Variants in STX18 observed in about 807,000 individuals in gnomAD.
The protein encoded by STX18 is syntaxin-18.
In STX18, 40 loss-of-function variants were observed where a neutral mutation model predicts 50.1. The observed-to-expected ratio is 0.80, with a 90% confidence interval of 0.62 to 1.04. STX18 has a LOEUF of 1.04. Among genes scored for constraint, STX18 ranks in the 50% least tolerant of loss-of-function variants. STX18 has a pLI of 0.00. For synonymous variants in STX18, 158 were observed against 151.8 expected, an observed-to-expected ratio of 1.04 and a Z score of -0.30; for missense variants, 410 against 415.8, an observed-to-expected ratio of 0.99 and a Z score of 0.12.
intron 1 of STX18, among the ~76,000 whole-genome samples, chr4:4,473,531 G>A (rs1308889396): frequency 3.3e-5 from 5 of 151,998 alleles, no homozygotes; most frequent in Admixed American, 2.6e-4. Flanking sequence ...CGGACCTCGC[G>A]ATCCGCCCGC....
chr4:4,541,664 C>T, intron 1 of STX18, 133 bp downstream of exon 1: 1 of 979,132 alleles, frequency 1.0e-6, no homozygotes, highest in Non-Finnish European at 1.4e-6. Context: ...GTCTCTGAGG[C>T]CAACTCTTCT....
Position 4,533,653 on chromosome 4 carries a change from A to G in STX18, c.168+8144T>C, listed in dbSNP as rs145368130. ...GATATCTGCCCTAACAGATGGCTCT[A>G]GCCTCAATATGTAGAAAAATCTGGT... On this transcript the variant is annotated intron_variant, in intron 1 of 10. Transcript: ENST00000306200. 5.1e-4 allele frequency among the ~76,000 whole-genome samples: 78 copies of G among 152,366 alleles called. 2 individuals carry two copies. The East Asian group carries it at 0.012, about 24-fold the overall frequency.
intron 1 of STX18, among the ~76,000 whole-genome samples, chr4:4,523,312 G>A (rs930001251): frequency 1.3e-5 from 2 of 152,066 alleles, no homozygotes; most frequent in Middle Eastern, 3.2e-3. Context: ...GGACTACTCT[G>A]AGGCCCTCTT....
intron 5 of STX18, among the ~76,000 whole-genome samples, chr4:4,451,240 G>T (rs1726735324): frequency 6.6e-6 from 1 of 152,064 alleles, no homozygotes; most frequent in South Asian, 2.1e-4. Flanking sequence ...AAAACCCTCA[G>T]GATTTTATTT....
At chr4:4,513,581 C>T (rs2108895879) in intron 1 of STX18, among the ~76,000 whole-genome samples, 1 of 152,268 alleles carries the variant, frequency 6.6e-6, no homozygotes, top group Admixed American at 6.5e-5. Flanking sequence ...GAGCAACATA[C>T]TCAAATAGAC....
chr4:4,467,419 A>G (rs1381412087), intron 2 of STX18, among the ~76,000 whole-genome samples: 1 of 152,198 alleles, frequency 6.6e-6, no homozygotes, highest in East Asian at 1.9e-4. Flanking sequence ...GTTCGCTGTC[A>G]TAACTTTCTC....
chr4:4,517,787 T>A (rs1264267477), intron 1 of STX18, among the ~76,000 whole-genome samples: 2 of 151,930 alleles, frequency 1.3e-5, no homozygotes, highest in Non-Finnish European at 2.9e-5. Context: ...TCTTTATTTT[T>A]TTTTTTTGAG....
chr4:4,541,144 A>C (rs528083707), intron 1 of STX18, among the ~76,000 whole-genome samples: 1 of 152,330 alleles, frequency 6.6e-6, no homozygotes, highest in South Asian at 2.1e-4. Flanking sequence ...GCTATGAGTC[A>C]TGCATTCTGA....
In STX18 at chr4:4,477,379, T is replaced by G. The variant is rs562869517; in HGVS notation, c.169-5673A>C. 4.6e-5 allele frequency among the ~76,000 whole-genome samples: 7 copies of G among 152,352 alleles called. No individual in the cohort carries two copies. The South Asian group carries it at 8.3e-4, about 18-fold the overall frequency. ...TAGTAACAACTAAATCCCAACAATC[T>G]CTGGCTACTTTATTTCTAAGTACTT... On this transcript the variant is annotated intron_variant, in intron 1 of 10. Transcript: ENST00000306200.
At chr4:4,516,192 C>T (rs1282344388) in intron 1 of STX18, among the ~76,000 whole-genome samples, 1 of 152,160 alleles carries the variant, frequency 6.6e-6, no homozygotes, top group Admixed American at 6.5e-5. Context: ...CACAGATGGG[C>T]TCTGTACATT....
In STX18 at chr4:4,438,393, C is replaced by G; in HGVS notation, c.613+1G>C. 1 of 1,607,618 alleles carries G rather than the reference C, an allele frequency of 6.2e-7. No individual in the cohort carries two copies. The highest frequency in any genetic ancestry group is 8.5e-7 in the Non-Finnish European group (1 of 1,175,862). On this transcript the variant is annotated splice_donor_variant, in intron 6 of 10. Coordinates refer to ENST00000306200, the MANE Select transcript of STX18 (RefSeq NM_016930.4). LOFTEE classifies it high-confidence loss of function. ...GGTGAGATTTTCATCTCAATTCGTA[C>G]CTGGACGTTCTTCAGTGGCAGGGTT...
At chr4:4,436,826 C>T (rs1177556350) in intron 6 of STX18, among the ~76,000 whole-genome samples, 2 of 152,176 alleles carry the variant, frequency 1.3e-5, no homozygotes, top group African/African-American at 4.8e-5. Flanking sequence ...CCCCACGGGT[C>T]TTCTTTACTG....
At chr4:4,472,634 G>A (rs1424960298) in intron 1 of STX18, among the ~76,000 whole-genome samples, 1 of 152,148 alleles carries the variant, frequency 6.6e-6, no homozygotes, top group Admixed American at 6.5e-5. Context: ...CACACTCTTG[G>A]CACTCAATTA....
rs531030030 is a variant in STX18 at position 4,509,067 on chromosome 4, G to T, written c.168+32730C>A. ...ACAACAGAATGATTTATATTTCTTT[G>T]GATAGATACCCACTAATGGGATTGC... is the stretch of plus-strand genomic sequence containing the variant. On this transcript the variant is annotated intron_variant, in intron 1 of 10. Coordinates refer to ENST00000306200, the MANE Select transcript of STX18 (RefSeq NM_016930.4). Among the ~76,000 whole-genome samples the T allele has an allele frequency of 1.2e-4, 18 of 152,246 alleles. No individual in the cohort carries two copies. The East Asian group carries it at 3.5e-3, about 29-fold the overall frequency.
chr4:4,420,295 G>A lies in STX18; in HGVS notation c.913-166C>T, dbSNP rs762962899. On this transcript the variant is annotated intron_variant, in intron 10 of 10. Coordinates refer to ENST00000306200, the MANE Select transcript of STX18 (RefSeq NM_016930.4). This position sits in a 1 kb window ranked among gnomAD's most constrained non-coding sequence, Gnocchi z 4.3. Reference sequence around the variant, plus strand: ...AGATGGCTTTTGAGATCCACCAGAAGACAAATGGGTTATATTTCCCTCTGT... The same window carrying A: ...AGATGGCTTTTGAGATCCACCAGAAAACAAATGGGTTATATTTCCCTCTGT... 25 of 601,134 alleles carry A rather than the reference G, an allele frequency of 4.2e-5. No individual in the cohort carries two copies. The highest frequency in any genetic ancestry group is 5.9e-5 in the Non-Finnish European group (20 of 336,250). 37.2% of individuals were successfully genotyped at this position (601,134 alleles called of 1,614,324 possible).
intron 4 of STX18, 33 bp downstream of exon 4, chr4:4,457,390 G>A (rs1417177067): frequency 1.3e-6 from 2 of 1,590,936 alleles, no homozygotes; most frequent in African/African-American, 2.7e-5. Flanking sequence ...ATTGTGAAAT[G>A]TTACATTTGA....
chr4:4,505,228 A>G (rs934474703), intron 1 of STX18, among the ~76,000 whole-genome samples: 1 of 152,244 alleles, frequency 6.6e-6, no homozygotes, highest in African/African-American at 2.4e-5. Flanking sequence ...ATGGGAAGTC[A>G]AAAATGCATT....
At chr4:4,501,517 TCA>T (rs1444446596) in intron 1 of STX18, among the ~76,000 whole-genome samples, 3 of 152,204 alleles carry the variant, frequency 2.0e-5, no homozygotes, top group Non-Finnish European at 4.4e-5. Flanking sequence ...AAATAAGACC[TCA>T]GTTTCCTCAT....
intron 5 of STX18, among the ~76,000 whole-genome samples, chr4:4,452,756 G>A (rs576263451): frequency 1.1e-4 from 16 of 152,278 alleles, no homozygotes; most frequent in African/African-American, 3.4e-4. Context: ...TGATTCCTCT[G>A]GCAGATCTGG....
Sources: gnomAD v4.1 joint callset for allele counts (sites outside exome capture counted in the v4.1 genomes callset) on GRCh38, gnomAD v4.1.1 for gene constraint, Gnocchi (gnomAD v3.1) non-coding constraint, MANE v1.5 for transcripts, NCBI Gene and HGNC (gene_info 2026-07-23, HGNC 2026-07-21) for gene names.